Variants in OCSTAMP observed in about 807,000 individuals in gnomAD.
The protein encoded by OCSTAMP is transmembrane protein C20orf123.
In OCSTAMP, 17 loss-of-function variants were observed where a neutral mutation model predicts 25.2. The observed-to-expected ratio is 0.68, with a 90% CI of 0.46 to 1.01. OCSTAMP has a LOEUF of 1.01. Among genes scored for constraint, OCSTAMP ranks in the 50% least tolerant of loss-of-function variants. The probability of loss-of-function intolerance (pLI) is 0.00; values close to 1 mark genes in which losing one functional copy is unlikely to be tolerated. For missense variants in OCSTAMP, 664 were observed against 694.6 expected (o/e 0.96, Z 0.50); for synonymous variants, 345 against 318.9 (o/e 1.08, Z -0.87).
chr20:46,541,466 A>G lies in OCSTAMP; in HGVS notation c.1509T>C (p.Ser503=). The part of the protein sequence containing the change: ...SSEGEGKELW[S]CRDLSCNLGP... ...CAAGGTTACAACTCAGGTCTCTGCAACTCCAAAGCTCTTTCCCTTCTCCCT... is the reference window on the plus strand; with the variant it reads ...CAAGGTTACAACTCAGGTCTCTGCAGCTCCAAAGCTCTTTCCCTTCTCCCT... The change falls in exon 3 of 3, where the codon AGT becomes AGC. Residue 503 remains serine (S), a synonymous_variant. Transcript: ENST00000279028. 2 of 1,548,552 alleles carry G rather than the reference A, an allele frequency of 1.3e-6. No individual in the cohort carries two copies. The highest frequency in any genetic ancestry group is 1.7e-6 in the Non-Finnish European group (2 of 1,144,316).
In OCSTAMP at chr20:46,541,644, T is replaced by C; in HGVS notation, c.1331A>G (p.His444Arg). ...FTAQEARRVR[H>R]LHARLQRRHD... ...TCTTCGCTGGAGCCGGGCGTGCAGGTGGCGGACCCTCCTCGCCTCCTGGGC... is the reference window on the plus strand; with the variant it reads ...TCTTCGCTGGAGCCGGGCGTGCAGGCGGCGGACCCTCCTCGCCTCCTGGGC... Residue 444 changes from histidine to arginine, a missense_variant, in exon 3 of 3, where the codon CAC (histidine) becomes CGC (arginine). By Grantham distance (29) the His-to-Arg change is conservative. Transcript: ENST00000279028. The C allele has an allele frequency of 1.3e-6, 2 of 1,551,102 alleles. No homozygotes were observed. Among genetic ancestry groups the C allele is most frequent in the Non-Finnish European group, 1.7e-6 (2 of 1,146,956 alleles).
chr20:46,541,876 G>A lies in OCSTAMP; in HGVS notation c.1099C>T (p.Pro367Ser). 1.4e-6 allele frequency: 2 copies of A among 1,463,882 alleles called. No individual in the cohort carries two copies. The highest frequency in any genetic ancestry group is 2.9e-5 in the Admixed American group (1 of 34,322). 90.7% of individuals were successfully genotyped at this position (1,463,882 alleles called of 1,614,324 possible). A position where few individuals can be genotyped will look rare whatever the true frequency, so the allele number is the denominator to read the frequency against. Reference protein sequence around the residue: ...FIPFLFNQLAPESPFLSVHSS... With the variant: ...FIPFLFNQLASESPFLSVHSS... ...TGGACGGAGAGGAAGGGGCTCTCCG[G>A]AGCCAGCTGGTTGAAGAGGAAAGGG... Residue 367 changes from proline (P) to serine (S), a missense_variant, in exon 3 of 3, where the codon CCG becomes TCG. Coordinates refer to ENST00000279028, the MANE Select transcript of OCSTAMP (RefSeq NM_080721.3).
At position 46,545,405 on chromosome 20, in the gene OCSTAMP, G is replaced by A. The variant is rs542163275; in HGVS notation, c.969C>T (p.Ala323=). 7.8e-6 allele frequency: 12 copies of A among 1,545,488 alleles called. No homozygotes were observed. In the African/African-American group the frequency reaches 1.5e-4, roughly 19 times the overall value. ...TAVAVATDHV[A]FLLAQATVDW... is the part of the protein sequence containing the mutation. ...CCACAGTAGCCTGTGCCAGGAGGAA[G>A]GCTACATGGTCTGTGGCCACCGCCA... Residue 323 remains alanine, a synonymous_variant, in exon 2 of 3, where the codon GCC becomes GCT. Coordinates refer to ENST00000279028, the MANE Select transcript of OCSTAMP (RefSeq NM_080721.3).
chr20:46,550,639 G>A lies in OCSTAMP; in HGVS notation c.-79C>T, dbSNP rs1447943012. On this transcript the variant is annotated 5_prime_UTR_variant, in exon 1 of 3. Transcript: ENST00000279028. Reference sequence around the variant, plus strand: ...TGGAGAGGAAGTGGGGGAATCGCTGGGACTTGGGAATCCCTGCCACTTCTG... The same window carrying A: ...TGGAGAGGAAGTGGGGGAATCGCTGAGACTTGGGAATCCCTGCCACTTCTG... 2.2e-6 allele frequency: 3 copies of A among 1,357,396 alleles called. No homozygotes were observed. The highest frequency in any genetic ancestry group is 2.5e-5 in the East Asian group (1 of 39,938). The allele number at this position is 1,357,396 out of a possible 1,614,324, so 84.1% of individuals were successfully genotyped here.
At chr20:46,543,441 A>C (rs2061842115) in intron 2 of OCSTAMP, among the ~76,000 whole-genome samples, 1 of 146,954 alleles carries the variant, frequency 6.8e-6, no homozygotes, top group Admixed American at 6.8e-5. Context: ...CGATTATCTC[A>C]CCTCAGCCTC....
rs1473357020 is a variant in OCSTAMP at position 46,549,474 on chromosome 20, C to A, written c.44+1043G>T. ...AAGTTCATTAACAAAGAATTCTGAG[C>A]ATAGTATGCCTGGGCCTGGACTGGG... On this transcript the variant is annotated intron_variant, in intron 1 of 2. Coordinates refer to ENST00000279028, the MANE Select transcript of OCSTAMP (RefSeq NM_080721.3). Among the ~76,000 whole-genome samples the A allele has an allele frequency of 2.6e-5, 4 of 152,242 alleles. No homozygotes were observed. In the East Asian group the frequency reaches 7.7e-4, roughly 29 times the overall value.
chr20:46,543,342 C>CT (rs59744231), intron 2 of OCSTAMP, among the ~76,000 whole-genome samples: 10,351 of 106,786 alleles, frequency 0.097, 395 homozygotes, highest in South Asian at 0.13. Context: ...TCGTTTCTTC[C>CT]TTTTTTTTTT....
At chr20:46,547,662 T>G (rs753678411) in intron 1 of OCSTAMP, among the ~76,000 whole-genome samples, 31 of 151,892 alleles carry the variant, frequency 2.0e-4, no homozygotes, top group Non-Finnish European at 4.4e-4. Flanking sequence ...GCAGGGAGAG[T>G]TCGGTGGCTT....
At chr20:46,545,159 T>A (rs970505312) in intron 2 of OCSTAMP, among the ~76,000 whole-genome samples, 168 bp downstream of exon 2, 4 of 152,100 alleles carry the variant, frequency 2.6e-5, no homozygotes, top group African/African-American at 2.4e-5. Flanking sequence ...CCTAGAGCTG[T>A]TGTGGGTATC....
intron 2 of OCSTAMP, among the ~76,000 whole-genome samples, chr20:46,542,218 C>G (rs551621470): frequency 4.8e-4 from 73 of 152,258 alleles, no homozygotes; most frequent in African/African-American, 1.7e-3. Context: ...TTACTGAATA[C>G]TTTAGATGTC....
At chr20:46,543,301 C>CT (rs1382162723) in intron 2 of OCSTAMP, among the ~76,000 whole-genome samples, 10 of 42,204 alleles carry the variant, frequency 2.4e-4, no homozygotes, top group African/African-American at 1.2e-3. Flanking sequence ...CTCTCTTTCT[C>CT]TTTCCTTTCT....
At chr20:46,550,199 T>C (rs925204986) in intron 1 of OCSTAMP, among the ~76,000 whole-genome samples, 1 of 152,240 alleles carries the variant, frequency 6.6e-6, no homozygotes, top group Non-Finnish European at 1.5e-5. Flanking sequence ...CTAAGTCATA[T>C]TGGATGACAA....
Position 46,541,638 on chromosome 20 carries a change from T to A in OCSTAMP, c.1337A>T (p.His446Leu). Reference sequence around the variant, plus strand: ...GTCGTGTCTTCGCTGGAGCCGGGCGTGCAGGTGGCGGACCCTCCTCGCCTC... The same window carrying A: ...GTCGTGTCTTCGCTGGAGCCGGGCGAGCAGGTGGCGGACCCTCCTCGCCTC... ...AQEARRVRHLHARLQRRHDRH... is the reference protein window; with the variant it reads ...AQEARRVRHLLARLQRRHDRH... Residue 446 changes from histidine (H) to leucine (L), a missense_variant, in exon 3 of 3, where the codon CAC becomes CTC. Physicochemically the swap from His to Leu is moderately conservative, Grantham distance 99. Transcript: ENST00000279028. The A allele has an allele frequency of 6.4e-7, 1 of 1,551,196 alleles. No individual in the cohort carries two copies. Among genetic ancestry groups the A allele is most frequent in the Non-Finnish European group, 8.7e-7 (1 of 1,146,966 alleles).
Position 46,541,326 on chromosome 20 carries a change from C to T in OCSTAMP, c.1649G>A (p.Arg550His), listed in dbSNP as rs1261484076. Residue 550 changes from arginine (R) to histidine (H), a missense_variant, in exon 3 of 3, where the codon CGC (arginine) becomes CAC (histidine). Physicochemically the swap from Arg to His is conservative, Grantham distance 29 (BLOSUM62 0). Transcript: ENST00000279028. ...IFTIDVTYFP[R>H]RDVVRMEGNT... is the part of the protein sequence containing the mutation. ...TCCTTCCATCCTGACCACATCCCTG[C>T]GTGGGAAGTAGGTCACATCAATGGT... The T allele has an allele frequency of 2.2e-5, 16 of 740,758 alleles. No homozygotes were observed. The East Asian group carries it at 3.7e-4, about 17-fold the overall frequency. 45.9% of individuals were successfully genotyped at this position (740,758 alleles called of 1,614,324 possible). A position where few individuals can be genotyped will look rare whatever the true frequency, so the allele number is the denominator to read the frequency against.
Position 46,541,931 on chromosome 20 carries a change from G to A in OCSTAMP, c.1048-4C>T. The stretch of plus-strand genomic sequence containing the variant: ...AGCCCAGGACAGTGTATGCCACCTT[G>A]GGAAAGGAGAAAAAGGCAGGGTCAA... On this transcript the variant is annotated splice_polypyrimidine_tract_variant and splice_region_variant and intron_variant, in intron 2 of 2. Coordinates refer to ENST00000279028, the MANE Select transcript of OCSTAMP (RefSeq NM_080721.3). 1.4e-6 allele frequency: 2 copies of A among 1,420,388 alleles called. No individual in the cohort carries two copies. Among genetic ancestry groups the A allele is most frequent in the Non-Finnish European group, 1.8e-6 (2 of 1,087,146 alleles). The allele number at this position is 1,420,388 out of a possible 1,614,324, so 88.0% of individuals were successfully genotyped here. A position where few individuals can be genotyped will look rare whatever the true frequency, so the allele number is the denominator to read the frequency against.
intron 1 of OCSTAMP, among the ~76,000 whole-genome samples, chr20:46,550,186 G>GTCCTAAGTCATATTGGATGACAAT (rs1217895771): frequency 8.5e-5 from 13 of 152,222 alleles, no homozygotes; most frequent in Non-Finnish European, 1.2e-4. Context: ...TTGAAAGCCA[G>GTCCTAAGTCATATTGGATGACAAT]TCCTAAGTCA....
rs1305087582 is a variant in OCSTAMP, at chr20:46,541,384, G to T, written c.1591C>A (p.Arg531=). Residue 531 remains arginine (R), a synonymous_variant, in exon 3 of 3, where the codon CGG becomes AGG. Transcript: ENST00000279028. ...LGKSLHLSEP[R]FLHLHNDSIF... Reference sequence around the variant, plus strand: ...CTGTCGTTATGCAGATGTAGAAACCGAGGCTCAGAGAGGTGAAGTGACTTA... The same window carrying T: ...CTGTCGTTATGCAGATGTAGAAACCTAGGCTCAGAGAGGTGAAGTGACTTA... 1 of 937,518 alleles carries T rather than the reference G, an allele frequency of 1.1e-6. No individual in the cohort carries two copies. Among genetic ancestry groups the T allele is most frequent in the Non-Finnish European group, 1.7e-6 (1 of 586,074 alleles). The allele number at this position is 937,518 out of a possible 1,614,324, so 58.1% of individuals were successfully genotyped here. A position where few individuals can be genotyped will look rare whatever the true frequency, so the allele number is the denominator to read the frequency against.
At chr20:46,550,331 T>C (rs1159038192) in intron 1 of OCSTAMP, among the ~76,000 whole-genome samples, 186 bp downstream of exon 1, 2 of 152,204 alleles carry the variant, frequency 1.3e-5, no homozygotes, top group East Asian at 3.9e-4. Flanking sequence ...GGCAACAGTC[T>C]TGTAGATGTC....
Position 46,545,598 on chromosome 20 carries a change from G to T in OCSTAMP, c.776C>A (p.Ala259Asp), listed in dbSNP as rs1429354991. The change falls in exon 2 of 3, where the codon GCC becomes GAC. Residue 259 changes from alanine (A) to aspartate (D), a missense_variant. Coordinates refer to ENST00000279028, the MANE Select transcript of OCSTAMP (RefSeq NM_080721.3). ...LTDLRFDNIY[A>D]TQQLTQRLAQ... ...CAACCGCTGGGTCAGCTGTTGAGTG[G>T]CGTAGATATTGTCAAACCGCAGGTC... The T allele has an allele frequency of 6.4e-7, 1 of 1,551,686 alleles. No individual in the cohort carries two copies. The highest frequency in any genetic ancestry group is 1.2e-5 in the South Asian group (1 of 84,066).
Sources: allele counts gnomAD v4.1 joint callset (sites outside exome capture counted in the v4.1 genomes callset), GRCh38; gene constraint gnomAD v4.1.1; transcripts MANE v1.5; gene names NCBI Gene and HGNC (gene_info 2026-07-23, HGNC 2026-07-21).